Variants in PPP2R3A observed in about 807,000 individuals in gnomAD.
The protein encoded by PPP2R3A is serine/threonine-protein phosphatase 2A regulatory subunit B'' subunit alpha.
PPP2R3A carries 80 observed loss-of-function variants against 106.9 expected under a neutral mutation model. The ratio of observed to expected loss-of-function variants is 0.75; its 90% CI spans 0.62 to 0.90. The LOEUF (loss-of-function observed/expected upper bound fraction) is 0.90. PPP2R3A is among the 40% of genes least tolerant of loss of function. The pLI is 0.00. For synonymous variants in PPP2R3A, 483 were observed against 468.3 expected (o/e 1.03, Z -0.41); for missense variants, 1,386 against 1,350.4 (o/e 1.03, Z -0.41).
rs999762099 is a variant in PPP2R3A, at chr3:135,965,765, G to C, written c.-525G>C. 1 of 152,188 alleles carries C rather than the reference G, an allele frequency of 6.6e-6. No homozygotes were observed. The highest frequency in any genetic ancestry group is 2.1e-4 in the South Asian group (1 of 4,850). The allele number at this position is 152,188 out of a possible 1,614,324, so 9.4% of individuals were successfully genotyped here. A position where few individuals can be genotyped will look rare whatever the true frequency, so the allele number is the denominator to read the frequency against. On this transcript the variant is annotated 5_prime_UTR_variant, in exon 1 of 14. Coordinates refer to ENST00000264977, the MANE Select transcript of PPP2R3A (RefSeq NM_002718.5). ...CCGCTCTTCACGCGCCGCATTCGTAGCCCGAGAGTCCGCGCCGCGGGGAGG... is the reference window on the plus strand; with the variant it reads ...CCGCTCTTCACGCGCCGCATTCGTACCCCGAGAGTCCGCGCCGCGGGGAGG...
At chr3:136,041,977 A>G (rs1157914989) in intron 4 of PPP2R3A, among the ~76,000 whole-genome samples, 1 of 152,112 alleles carries the variant, frequency 6.6e-6, no homozygotes, top group Non-Finnish European at 1.5e-5. Flanking sequence ...CTTGTTATGC[A>G]TGTTCTTCTC....
rs537781409 is a variant in PPP2R3A, at chr3:136,060,418, A to G, written c.2470-10060A>G. On this transcript the variant is annotated intron_variant, in intron 5 of 13. Transcript: ENST00000264977. The stretch of plus-strand genomic sequence containing the variant: ...GTTGAATTGTAATTCCCAGTGTTGA[A>G]GGTGGGGCCTGGTGGGAGATGATTG... 4.0e-4 allele frequency among the ~76,000 whole-genome samples: 61 copies of G among 152,296 alleles called. No homozygotes were observed. In the South Asian group the frequency reaches 4.1e-3, roughly 10 times the overall value.
intron 2 of PPP2R3A, among the ~76,000 whole-genome samples, chr3:136,019,658 C>G (rs1163215905): frequency 6.6e-6 from 1 of 152,148 alleles, no homozygotes; most frequent in African/African-American, 2.4e-5. Context: ...AGCATATATA[C>G]TAATACTTCC....
At chr3:136,016,421 A>C (rs1189644186) in intron 2 of PPP2R3A, among the ~76,000 whole-genome samples, 1 of 152,168 alleles carries the variant, frequency 6.6e-6, no homozygotes. Flanking sequence ...GCAGTATTAA[A>C]GTCCCCCACT....
At chr3:135,968,934 TA>T (rs1447855348) in intron 1 of PPP2R3A, among the ~76,000 whole-genome samples, 1 of 152,208 alleles carries the variant, frequency 6.6e-6, no homozygotes, top group African/African-American at 2.4e-5. Context: ...GGATATACCA[TA>T]GATTATTTAA....
intron 5 of PPP2R3A, among the ~76,000 whole-genome samples, chr3:136,057,454 A>G (rs1935908697): frequency 6.6e-6 from 1 of 152,196 alleles, no homozygotes; most frequent in Non-Finnish European, 1.5e-5. Context: ...AGTTTAAAAA[A>G]TGGATCTTGT....
chr3:135,981,700 A>G (rs558982841), intron 1 of PPP2R3A, among the ~76,000 whole-genome samples: 6 of 151,976 alleles, frequency 3.9e-5, no homozygotes, highest in African/African-American at 1.2e-4. Flanking sequence ...GTAAACGTGT[A>G]AACAGTAAAT....
intron 2 of PPP2R3A, among the ~76,000 whole-genome samples, chr3:136,010,417 ATT>A (rs56962010): frequency 8.0e-4 from 41 of 51,002 alleles, no homozygotes; most frequent in Non-Finnish European, 1.0e-3. Flanking sequence ...CGCTCGGCTA[ATT>A]TTTTTTTTTT....
At chr3:136,074,815 C>G (rs28509770) in intron 6 of PPP2R3A, among the ~76,000 whole-genome samples, 29,781 of 152,146 alleles carry the variant, frequency 0.2, 3,333 homozygotes, top group Non-Finnish European at 0.26. Context: ...ACTGCTCACA[C>G]TAAGAGCTTA....
chr3:135,972,402 T>C (rs1038959853), intron 1 of PPP2R3A, among the ~76,000 whole-genome samples: 2 of 152,254 alleles, frequency 1.3e-5, no homozygotes, highest in Admixed American at 6.5e-5. Context: ...TTGGCTCTTA[T>C]AAATAGTATT....
intron 13 of PPP2R3A, among the ~76,000 whole-genome samples, chr3:136,110,169 T>G (rs183425934): frequency 5.3e-5 from 8 of 152,248 alleles, no homozygotes; most frequent in African/African-American, 1.4e-4. Flanking sequence ...AAGCAGCCAG[T>G]GAGAACAGAA....
chr3:136,023,477 A>G (rs1358373501), intron 2 of PPP2R3A, among the ~76,000 whole-genome samples: 1 of 152,162 alleles, frequency 6.6e-6, no homozygotes, highest in African/African-American at 2.4e-5. Flanking sequence ...TTTTAGAGAC[A>G]ACAAATACAA....
chr3:136,044,138 C>A (rs1935391159), intron 4 of PPP2R3A, among the ~76,000 whole-genome samples: 1 of 152,178 alleles, frequency 6.6e-6, no homozygotes. Flanking sequence ...CTCCTATTAG[C>A]ATCTATTGCG....
intron 10 of PPP2R3A, among the ~76,000 whole-genome samples, chr3:136,096,826 A>T (rs978595114): frequency 6.6e-6 from 1 of 152,190 alleles, no homozygotes; most frequent in African/African-American, 2.4e-5. Flanking sequence ...ATCTTAGCTC[A>T]TGGCTGTAGT....
chr3:136,129,645 G>C (rs1447699196), intron 13 of PPP2R3A, among the ~76,000 whole-genome samples: 1 of 152,096 alleles, frequency 6.6e-6, no homozygotes, highest in Non-Finnish European at 1.5e-5. Flanking sequence ...GAAAAAGAGG[G>C]AATCCTTTCT....
In PPP2R3A at chr3:136,001,125, T is replaced by G; in HGVS notation, c.-374T>G. The G allele has an allele frequency of 2.5e-6, 1 of 402,114 alleles. No homozygotes were observed. The highest frequency in any genetic ancestry group is 4.4e-6 in the Non-Finnish European group (1 of 228,490). 24.9% of individuals were successfully genotyped at this position (402,114 alleles called of 1,614,324 possible). ...TGGAGGACTCAGTTATCACAATACT[T>G]CTCTACTACCAACTAAGATTTATGA... On this transcript the variant is annotated 5_prime_UTR_variant, in exon 2 of 14. Transcript: ENST00000264977.
intron 13 of PPP2R3A, among the ~76,000 whole-genome samples, chr3:136,110,613 T>C (rs1334718219): frequency 4.6e-5 from 7 of 152,208 alleles, no homozygotes; most frequent in African/African-American, 1.7e-4. Flanking sequence ...CTTGAGGCTT[T>C]GTGGGCCTCT....
chr3:136,054,075 C>G (rs922503952), intron 5 of PPP2R3A, among the ~76,000 whole-genome samples: 118 of 152,002 alleles, frequency 7.8e-4, no homozygotes, highest in Non-Finnish European at 1.6e-3. Context: ...GTTTTATTTT[C>G]TGGATTATAA....
intron 8 of PPP2R3A, among the ~76,000 whole-genome samples, chr3:136,085,987 A>G (rs1936916913): frequency 6.6e-6 from 1 of 152,072 alleles, no homozygotes; most frequent in African/African-American, 2.4e-5. Flanking sequence ...AATATTAGTC[A>G]GATGTGGTAG....
Sources: gnomAD v4.1 joint callset for allele counts (sites outside exome capture counted in the v4.1 genomes callset) on GRCh38, gnomAD v4.1.1 for gene constraint, MANE v1.5 for transcripts, NCBI Gene and HGNC (gene_info 2026-07-23, HGNC 2026-07-21) for gene names.